Variants in ATP10B observed in about 807,000 individuals in gnomAD.
ATP10B encodes ATPase phospholipid transporting 10B (putative).
A neutral mutation model predicts 141.2 loss-of-function variants in ATP10B; 122 were observed. The ratio of observed to expected loss-of-function variants is 0.86; its 90% CI spans 0.75 to 1.00. The LOEUF (loss-of-function observed/expected upper bound fraction) is 1.00. ATP10B is among the 50% of genes least tolerant of loss of function. ATP10B has a pLI of 0.00. For synonymous variants in ATP10B, 685 were observed against 692.0 expected (o/e 0.99, Z 0.16); for missense variants, 1,876 against 1,825.3 (o/e 1.03, Z -0.51).
chr5:160,795,240 C>T (rs1275027792), intron 1 of ATP10B, among the ~76,000 whole-genome samples: 1 of 152,136 alleles, frequency 6.6e-6, no homozygotes, highest in Non-Finnish European at 1.5e-5. Context: ...ATCTCAATTG[C>T]AAAATATCTT....
At chr5:160,926,248 T>C in the ATP10B span, among the ~76,000 whole-genome samples, 2 of 152,206 alleles carry the variant, frequency 1.3e-5, no homozygotes, top group African/African-American at 4.8e-5. Flanking sequence ...ATTATCTCTA[T>C]CGTGGCACAA....
At chr5:160,816,295 C>T (rs1265124341) in intron 1 of ATP10B, among the ~76,000 whole-genome samples, 4 of 151,110 alleles carry the variant, frequency 2.6e-5, no homozygotes, top group African/African-American at 9.7e-5. Context: ...ATCAAATAGA[C>T]ACAATAAAAA....
the ATP10B span, among the ~76,000 whole-genome samples, chr5:160,908,964 A>C: frequency 6.6e-5 from 10 of 152,076 alleles, no homozygotes; most frequent in African/African-American, 2.4e-4. Flanking sequence ...TAGTGATCTA[A>C]ATTTAGTTCA....
intron 1 of ATP10B, among the ~76,000 whole-genome samples, chr5:160,840,546 T>C (rs1775750926): frequency 1.3e-5 from 2 of 152,066 alleles, no homozygotes; most frequent in African/African-American, 4.8e-5. Flanking sequence ...ATATCATATA[T>C]AGGAAAATAA....
chr5:160,917,121 C>T, the ATP10B span, among the ~76,000 whole-genome samples: 1 of 152,098 alleles, frequency 6.6e-6, no homozygotes, highest in Admixed American at 6.6e-5. Flanking sequence ...CTCCAGAGAA[C>T]ATCATGTGAA....
chr5:160,714,596 A>C (rs202189061), intron 3 of ATP10B, among the ~76,000 whole-genome samples: 3,292 of 129,224 alleles, frequency 0.025, 66 homozygotes, highest in East Asian at 0.078. Flanking sequence ...TGATCGTCTG[A>C]AGCTTTCTTC....
At chr5:160,653,385 G>A (rs1198724916) in intron 7 of ATP10B, among the ~76,000 whole-genome samples, 3 of 50,590 alleles carry the variant, frequency 5.9e-5, no homozygotes, top group Non-Finnish European at 1.3e-4. Context: ...TACATAGGTA[G>A]TATATATACA....
rs1758392647 is a variant in ATP10B at position 160,622,368 on chromosome 5, C to T, written c.1812+26G>A. The stretch of plus-strand genomic sequence containing the variant: ...CTACTCCTCTACCTCCTTTACCCTC[C>T]TCCCCCAGCCATCGCTGGTCCTTAC... On this transcript the variant is annotated intron_variant, in intron 14 of 25. Transcript: ENST00000327245. 7 of 1,589,750 alleles carry T rather than the reference C, an allele frequency of 4.4e-6. No individual in the cohort carries two copies. In the African/African-American group the frequency reaches 9.4e-5, roughly 21 times the overall value.
intron 2 of ATP10B, among the ~76,000 whole-genome samples, chr5:160,776,286 A>T (rs1161137200): frequency 1.3e-5 from 2 of 152,222 alleles, no homozygotes; most frequent in Non-Finnish European, 2.9e-5. Flanking sequence ...TTCGAGTCCC[A>T]GTTCTGCTAC....
chr5:160,634,403 C>T lies in ATP10B; in HGVS notation c.1332G>A (p.Val444=). 3 of 1,614,160 alleles carry T rather than the reference C, an allele frequency of 1.9e-6. No individual in the cohort carries two copies. Among genetic ancestry groups the T allele is most frequent in the Non-Finnish European group, 2.5e-6 (3 of 1,180,032 alleles). ...KTGTLTENKM[V]FRRCTIMGSE... ...TGCCCATGATGGTGCAACGTCGGAACACCATCTTGTTCTCTGTCAGGGTCC... is the reference window on the plus strand; with the variant it reads ...TGCCCATGATGGTGCAACGTCGGAATACCATCTTGTTCTCTGTCAGGGTCC... Residue 444 remains valine (V), a synonymous_variant, in exon 12 of 26, where the codon GTG becomes GTA. Transcript: ENST00000327245.
intron 8 of ATP10B, among the ~76,000 whole-genome samples, chr5:160,646,449 T>G (rs1283696407): frequency 6.6e-6 from 1 of 152,214 alleles, no homozygotes; most frequent in East Asian, 1.9e-4. Context: ...TGATCCTGGT[T>G]TCCCATAGGG....
At position 160,819,003 on chromosome 5, in the gene ATP10B, G is replaced by T. The variant is rs574195754; in HGVS notation, c.-576+32938C>A. Among the ~76,000 whole-genome samples, 4 of 152,248 alleles carry T rather than the reference G, an allele frequency of 2.6e-5. No individual in the cohort carries two copies. In the South Asian group the frequency reaches 8.3e-4, roughly 32 times the overall value. On this transcript the variant is annotated intron_variant, in intron 1 of 25. Transcript: ENST00000327245. ...ATCACACACCAGGGCCTGTTGCTGG[G>T]GGGTGGGAGTGGGGACGGATAGCAT...
At chr5:160,838,987 G>A (rs1041091766) in intron 1 of ATP10B, among the ~76,000 whole-genome samples, 2 of 152,152 alleles carry the variant, frequency 1.3e-5, no homozygotes, top group African/African-American at 4.8e-5. Flanking sequence ...CTCTTGCCAT[G>A]TGAGGTGCAA....
intron 24 of ATP10B, among the ~76,000 whole-genome samples, chr5:160,583,646 G>A (rs1755698439): frequency 6.6e-6 from 1 of 152,162 alleles, no homozygotes; most frequent in Non-Finnish European, 1.5e-5. Context: ...CTACCCCGAG[G>A]TGCTCTGTCC....
intron 2 of ATP10B, among the ~76,000 whole-genome samples, chr5:160,785,159 A>G (rs1480827398): frequency 6.6e-6 from 1 of 152,132 alleles, no homozygotes. Flanking sequence ...GATTTACTCC[A>G]TTGACAATCT....
intron 18 of ATP10B, chr5:160,612,287 C>T (rs1217761325): frequency 1.3e-5 from 2 of 152,594 alleles, no homozygotes; most frequent in Admixed American, 1.3e-4. Flanking sequence ...ATAAGTTAGT[C>T]TTAAATAGTA....
At chr5:160,652,926 ATT>A (rs1760950872) in intron 7 of ATP10B, among the ~76,000 whole-genome samples, 1 of 81,792 alleles carries the variant, frequency 1.2e-5, no homozygotes, top group Admixed American at 1.9e-4. Flanking sequence ...TATATAATAT[ATT>A]ATATATACAT....
At chr5:160,856,210 G>A (rs952818140), upstream of ATP10B, among the ~76,000 whole-genome samples, 2 of 151,802 alleles carry the variant, frequency 1.3e-5, no homozygotes, top group African/African-American at 4.8e-5. Context: ...TGGACATAGT[G>A]TGTCTCTTCA....
At chr5:160,782,942 T>G (rs1263099374) in intron 2 of ATP10B, among the ~76,000 whole-genome samples, 2 of 152,146 alleles carry the variant, frequency 1.3e-5, no homozygotes, top group Non-Finnish European at 2.9e-5. Context: ...TTCCATTATA[T>G]AGAAGTATAT....
Sources: gnomAD v4.1 joint callset for allele counts (sites outside exome capture counted in the v4.1 genomes callset) on GRCh38, gnomAD v4.1.1 for gene constraint, MANE v1.5 for transcripts, NCBI Gene and HGNC (gene_info 2026-07-23, HGNC 2026-07-21) for gene names.